The following CLVS1 variants were observed in gnomAD, a reference collection of about 807,000 sequenced individuals.
CLVS1 encodes the protein clavesin 1.
Under a neutral mutation model 33.1 loss-of-function variants are expected in CLVS1, and 10 were observed. That is an observed-to-expected ratio of 0.30 (90% CI 0.19 to 0.51). CLVS1 has a LOEUF of 0.51. CLVS1 is among the 20% of genes least tolerant of loss of function. The pLI is 0.97. For synonymous variants in CLVS1, 163 were observed against 166.1 expected (o/e 0.98, Z 0.14); for missense variants, 343 against 433.4 (o/e 0.79, Z 1.85).
At chr8:61,349,905 C>T (rs1812380731) in intron 2 of CLVS1, among the ~76,000 whole-genome samples, 1 of 152,106 alleles carries the variant, frequency 6.6e-6, no homozygotes, top group Non-Finnish European at 1.5e-5. Flanking sequence ...AAGTTCCATG[C>T]AAATAACCCC....
chr8:61,093,493 A>G (rs1409711726), intron 1 of CLVS1, among the ~76,000 whole-genome samples: 1 of 152,234 alleles, frequency 6.6e-6, no homozygotes, highest in Non-Finnish European at 1.5e-5. Flanking sequence ...CTTACAAAAA[A>G]ACCCCAAAAG....
At chr8:61,369,205 T>A (rs1409642813) in intron 2 of CLVS1, among the ~76,000 whole-genome samples, 1 of 152,224 alleles carries the variant, frequency 6.6e-6, no homozygotes, top group Non-Finnish European at 1.5e-5. Flanking sequence ...CAGCCAAGAT[T>A]CAGGGTAGTA....
chr8:61,060,038 G>A (rs189975422), intron 1 of CLVS1, among the ~76,000 whole-genome samples: 4 of 152,220 alleles, frequency 2.6e-5, no homozygotes, highest in Non-Finnish European at 5.9e-5. Flanking sequence ...GTGCCCTGGC[G>A]ATTCCGGAAT....
intron 3 of CLVS1, among the ~76,000 whole-genome samples, chr8:61,408,947 T>G (rs1309126492): frequency 6.6e-6 from 1 of 152,148 alleles, no homozygotes; most frequent in Non-Finnish European, 1.5e-5. Context: ...CCTCAAATCC[T>G]CAGGCCACTC....
chr8:61,351,916 C>T (rs1299817294), intron 2 of CLVS1, among the ~76,000 whole-genome samples: 1 of 119,004 alleles, frequency 8.4e-6, no homozygotes, highest in East Asian at 3.0e-4. Flanking sequence ...AGCAGACCTA[C>T]CCTTAAAAGC....
intron 2 of CLVS1, among the ~76,000 whole-genome samples, chr8:61,316,318 T>A (rs947189253): frequency 3.7e-4 from 57 of 152,350 alleles, no homozygotes; most frequent in African/African-American, 1.4e-3. Flanking sequence ...CTACTGCGAA[T>A]ACATGAATCT....
At chr8:61,263,989 A>C (rs558668336) in intron 2 of CLVS1, among the ~76,000 whole-genome samples, 1 of 152,326 alleles carries the variant, frequency 6.6e-6, no homozygotes, top group East Asian at 1.9e-4. Flanking sequence ...GTTTCTGTTT[A>C]CAAAGAGAGA....
intron 4 of CLVS1, among the ~76,000 whole-genome samples, chr8:61,454,692 G>T (rs112051034): frequency 3.9e-5 from 6 of 152,316 alleles, no homozygotes; most frequent in African/African-American, 1.4e-4. Flanking sequence ...CACCTGTAAA[G>T]CTGGAAAAGC....
chr8:61,198,442 C>A lies in CLVS1; in HGVS notation c.-152+66582C>A, dbSNP rs141865201. On this transcript the variant is annotated intron_variant, in intron 2 of 2. Coordinates refer to the CLVS1 transcript ENST00000522621. ...TCACCCAGGCTGGATTGCAGTGGCA[C>A]GATCTTGGTTCACTGCAACCTCTAC... Among the ~76,000 whole-genome samples the A allele has an allele frequency of 5.6e-4, 85 of 152,216 alleles. 1 individual carries two copies. The East Asian group carries it at 0.014, about 25-fold the overall frequency.
At chr8:61,102,852 G>T (rs564492388) in intron 1 of CLVS1, among the ~76,000 whole-genome samples, 1 of 152,282 alleles carries the variant, frequency 6.6e-6, no homozygotes, top group East Asian at 1.9e-4. Context: ...GTTGGAGGAG[G>T]AGGAGAAGGA....
intron 2 of CLVS1, among the ~76,000 whole-genome samples, chr8:61,314,928 T>C (rs1261195655): frequency 2.0e-5 from 3 of 152,214 alleles, no homozygotes; most frequent in Non-Finnish European, 4.4e-5. Flanking sequence ...GGAATCCCAA[T>C]AAATAAAGTA....
intron 2 of CLVS1, among the ~76,000 whole-genome samples, chr8:61,365,527 C>CAA (rs142110433): frequency 9.3e-5 from 13 of 140,454 alleles, no homozygotes; most frequent in South Asian, 6.7e-4. Context: ...AACACCATGT[C>CAA]AAAAAAAAAA....
At chr8:61,219,618 T>C (rs1808166890) in intron 2 of CLVS1, among the ~76,000 whole-genome samples, 1 of 152,222 alleles carries the variant, frequency 6.6e-6, no homozygotes, top group Non-Finnish European at 1.5e-5. Context: ...TATGTGTGTA[T>C]GTGTCTTTAT....
At chr8:61,098,357 T>C (rs1373402478) in intron 1 of CLVS1, among the ~76,000 whole-genome samples, 4 of 151,674 alleles carry the variant, frequency 2.6e-5, no homozygotes, top group Non-Finnish European at 4.4e-5. Flanking sequence ...CAGGTTTATT[T>C]AGGGGAACCA....
At chr8:61,244,910 A>C (rs999561644) in intron 2 of CLVS1, among the ~76,000 whole-genome samples, 1 of 152,160 alleles carries the variant, frequency 6.6e-6, no homozygotes, top group Non-Finnish European at 1.5e-5. Flanking sequence ...AAAAGTTTCC[A>C]TATGATTGTG....
rs550717361 is a variant in CLVS1, at chr8:61,213,066, A to G, written c.-152+81206A>G. The stretch of plus-strand genomic sequence containing the variant: ...TCACCACTCCCAGGTAGCATTTAAT[A>G]TTAGGGTGTAGGTGGCACCTTCTCC... On this transcript the variant is annotated intron_variant, in intron 2 of 2. Transcript: ENST00000522621. 2.6e-5 allele frequency among the ~76,000 whole-genome samples: 4 copies of G among 152,056 alleles called. No individual in the cohort carries two copies. In the South Asian group the frequency reaches 8.3e-4, roughly 32 times the overall value.
chr8:61,256,370 G>C (rs532630517), intron 2 of CLVS1, among the ~76,000 whole-genome samples: 5 of 152,074 alleles, frequency 3.3e-5, no homozygotes, highest in Admixed American at 3.3e-4. Context: ...AAAATTAGCC[G>C]GGCGTGGTGG....
At chr8:61,068,013 G>A (rs1417669298) in intron 1 of CLVS1, among the ~76,000 whole-genome samples, 2 of 148,034 alleles carry the variant, frequency 1.4e-5, no homozygotes, top group South Asian at 2.1e-4. Context: ...GAGAGACCTT[G>A]TCTCTATAAA....
intron 2 of CLVS1, among the ~76,000 whole-genome samples, chr8:61,329,175 A>T (rs1159116929): frequency 6.6e-6 from 1 of 151,918 alleles, no homozygotes; most frequent in Middle Eastern, 3.2e-3. Flanking sequence ...ACCTTTAGAG[A>T]GTAGGCAGCA....
Sources: allele counts gnomAD v4.1 joint callset (sites outside exome capture counted in the v4.1 genomes callset), GRCh38; gene constraint gnomAD v4.1.1; transcripts MANE v1.5; gene names NCBI Gene and HGNC (gene_info 2026-07-23, HGNC 2026-07-21).